Variants in RNF24 observed in about 807,000 individuals in gnomAD.
RNF24 encodes the protein ring finger protein 24.
Under a neutral mutation model 20.0 loss-of-function variants are expected in RNF24, and 14 were observed. The observed-to-expected ratio is 0.70, with a 90% CI of 0.46 to 1.10. RNF24 has a LOEUF of 1.10. Among genes scored for constraint, RNF24 ranks in the 50% least tolerant of loss-of-function variants. The pLI is 0.00. For synonymous variants in RNF24, 45 were observed against 61.1 expected, an observed-to-expected ratio of 0.74 and a Z score of 1.23; for missense variants, 124 against 177.6, an observed-to-expected ratio of 0.70 and a Z score of 1.71.
intron 1 of RNF24, among the ~76,000 whole-genome samples, chr20:3,995,203 G>A (rs1459885632): frequency 6.6e-6 from 1 of 152,134 alleles, no homozygotes; most frequent in Non-Finnish European, 1.5e-5. Context: ...ATCCACCTCT[G>A]GGGTGTGCCT....
At chr20:3,958,826 G>C (rs2091171071) in intron 2 of RNF24, among the ~76,000 whole-genome samples, 1 of 152,210 alleles carries the variant, frequency 6.6e-6, no homozygotes, top group Admixed American at 6.5e-5. Flanking sequence ...ATTTTTAATA[G>C]AGATGGGGTT....
At chr20:4,009,830 GA>G (rs11483685) in intron 1 of RNF24, among the ~76,000 whole-genome samples, 4 of 151,086 alleles carry the variant, frequency 2.6e-5, no homozygotes, top group East Asian at 1.9e-4. Context: ...GCTATAAATA[GA>G]AAAAAAAGGG....
intron 1 of RNF24, among the ~76,000 whole-genome samples, chr20:3,992,132 A>T (rs534856832): frequency 2.0e-5 from 3 of 152,200 alleles, no homozygotes; most frequent in East Asian, 3.9e-4. Flanking sequence ...TACTTTACCC[A>T]CTCAATAACA....
intron 1 of RNF24, among the ~76,000 whole-genome samples, chr20:3,978,626 T>A (rs1306745776): frequency 6.6e-6 from 1 of 151,792 alleles, no homozygotes; most frequent in African/African-American, 2.4e-5. Context: ...CGGGATGCAA[T>A]AAGAAAATAA....
intron 1 of RNF24, among the ~76,000 whole-genome samples, chr20:4,007,263 T>C (rs973090500): frequency 5.9e-5 from 9 of 152,182 alleles, no homozygotes; most frequent in African/African-American, 2.2e-4. Context: ...CTATTTAACA[T>C]GCAGAAAAGC....
rs184262545 is a variant in RNF24, at chr20:3,932,458, C to T, written c.*1605G>A. On this transcript the variant is annotated 3_prime_UTR_variant, in exon 6 of 6. Coordinates refer to ENST00000358395, the MANE Select transcript of RNF24 (RefSeq NM_001134337.3). The stretch of plus-strand genomic sequence containing the variant: ...CAACTGGATTTGTAATTTTCCAAAC[C>T]GGATTCTGTCCAGCACTGTTCTACA... 6 of 154,602 alleles carry T rather than the reference C, an allele frequency of 3.9e-5. No individual in the cohort carries two copies. The highest frequency in any genetic ancestry group is 5.7e-5 in the Non-Finnish European group (4 of 69,746). 9.6% of individuals were successfully genotyped at this position (154,602 alleles called of 1,614,324 possible).
intron 1 of RNF24, among the ~76,000 whole-genome samples, chr20:4,009,834 A>T (rs1406761259): frequency 6.6e-6 from 1 of 151,836 alleles, no homozygotes; most frequent in Non-Finnish European, 1.5e-5. Flanking sequence ...TAAATAGAAA[A>T]AAAAGGGTTT....
At chr20:3,970,960 A>G (rs1247168009) in intron 1 of RNF24, among the ~76,000 whole-genome samples, 2 of 152,332 alleles carry the variant, frequency 1.3e-5, no homozygotes, top group East Asian at 1.9e-4. Context: ...GAATCTGTAC[A>G]TAAGTGTACA....
intron 1 of RNF24, among the ~76,000 whole-genome samples, chr20:3,988,079 T>A (rs1050145602): frequency 2.0e-5 from 3 of 152,104 alleles, no homozygotes; most frequent in African/African-American, 7.2e-5. Context: ...TCCCAGCATT[T>A]TGAGAGGCCA....
At chr20:3,941,102 C>A (rs937831672) in intron 4 of RNF24, among the ~76,000 whole-genome samples, 1 of 152,166 alleles carries the variant, frequency 6.6e-6, no homozygotes, top group Non-Finnish European at 1.5e-5. Context: ...AGGCTTGGCT[C>A]ACTGTAGCGT....
chr20:3,936,638 C>G (rs886818046), intron 4 of RNF24, among the ~76,000 whole-genome samples: 1 of 152,184 alleles, frequency 6.6e-6, no homozygotes, highest in Non-Finnish European at 1.5e-5. Flanking sequence ...ATGATGCTCC[C>G]ATCTCCTAGA....
rs747012644 is a variant in RNF24 at position 3,934,014 on chromosome 20, G to A, written c.*49C>T. The A allele has an allele frequency of 7.1e-7, 1 of 1,411,808 alleles. No individual in the cohort carries two copies. The highest frequency in any genetic ancestry group is 9.3e-7 in the Non-Finnish European group (1 of 1,076,456). The allele number at this position is 1,411,808 out of a possible 1,614,324, so 87.5% of individuals were successfully genotyped here. A position where few individuals can be genotyped will look rare whatever the true frequency, so the allele number is the denominator to read the frequency against. On this transcript the variant is annotated 3_prime_UTR_variant, in exon 6 of 6. Transcript: ENST00000358395. The surrounding 1 kb of genome is among the most constrained non-coding windows in gnomAD (Gnocchi z 4.0). ...TACAGACACCACATGTGTTCCTCCT[G>A]GCTCCACACAGACGTCGTGTCCAGC...
intron 4 of RNF24, among the ~76,000 whole-genome samples, chr20:3,935,921 T>A (rs764094952): frequency 5.3e-5 from 8 of 150,510 alleles, no homozygotes; most frequent in Middle Eastern, 3.4e-3. Context: ...CATTGCTTTC[T>A]CCTGCCCAGT....
chr20:3,989,404 T>C (rs988191341), intron 1 of RNF24, among the ~76,000 whole-genome samples: 16 of 151,150 alleles, frequency 1.1e-4, no homozygotes, highest in Non-Finnish European at 1.3e-4. Flanking sequence ...GGCAGGAGAA[T>C]GGCGTGAACC....
At position 4,010,953 on chromosome 20, in the gene RNF24, T is replaced by C. The variant is rs892795810; in HGVS notation, c.-8+4484A>G. Among the ~76,000 whole-genome samples, 14 of 152,292 alleles carry C rather than the reference T, an allele frequency of 9.2e-5. No individual in the cohort carries two copies. The Middle Eastern group carries it at 0.01, about 111-fold the overall frequency. On this transcript the variant is annotated intron_variant, in intron 1 of 5. Coordinates refer to ENST00000358395, the MANE Select transcript of RNF24 (RefSeq NM_001134337.3). The stretch of plus-strand genomic sequence containing the variant: ...AGGAAACAAAGACCCCACTGCTTGA[T>C]GGAGGCACAAAGAATAGCATATTGG...
intron 2 of RNF24, among the ~76,000 whole-genome samples, chr20:3,959,298 T>G (rs962294716): frequency 1.3e-5 from 2 of 152,306 alleles, no homozygotes; most frequent in East Asian, 3.9e-4. Flanking sequence ...CAAGAAAGAT[T>G]CTAAACCCCT....
chr20:3,954,358 G>A (rs993934295), intron 2 of RNF24, among the ~76,000 whole-genome samples: 9 of 152,046 alleles, frequency 5.9e-5, no homozygotes, highest in Admixed American at 1.3e-4. Context: ...TTTTGTGTAT[G>A]GCTTTCCACC....
Position 3,933,060 on chromosome 20 carries a change from AG to A in RNF24, c.*1002del, listed in dbSNP as rs2090843384. On this transcript the variant is annotated 3_prime_UTR_variant, in exon 6 of 6. Transcript: ENST00000358395. The stretch of plus-strand genomic sequence containing the variant: ...GATAAAGTGTTAAAAAGTGAATGAC[AG>A]GCTTTTTTTTTTTTTTTTTTTTTTT... 1 of 374,868 alleles carries A rather than the reference AG, an allele frequency of 2.7e-6. No individual in the cohort carries two copies. The highest frequency in any genetic ancestry group is 5.6e-5 in the Admixed American group (1 of 17,750). The allele number at this position is 374,868 out of a possible 1,614,324, so 23.2% of individuals were successfully genotyped here.
chr20:3,944,530 G>A (rs77201067), intron 4 of RNF24, among the ~76,000 whole-genome samples: 1 of 152,088 alleles, frequency 6.6e-6, no homozygotes, highest in Non-Finnish European at 1.5e-5. Context: ...ACCCAGAAAG[G>A]GAGAAGGAAA....
Sources: gnomAD v4.1 joint callset for allele counts (sites outside exome capture counted in the v4.1 genomes callset) on GRCh38, gnomAD v4.1.1 for gene constraint, Gnocchi (gnomAD v3.1) non-coding constraint, MANE v1.5 for transcripts, NCBI Gene and HGNC (gene_info 2026-07-23, HGNC 2026-07-21) for gene names.